The following ATXN7 variants were observed in gnomAD, a reference collection of about 807,000 sequenced individuals.
ATXN7 encodes the protein ataxin-7.
Under a neutral mutation model 70.5 loss-of-function variants are expected in ATXN7, and 12 were observed. That is an observed-to-expected ratio of 0.17 (90% CI 0.11 to 0.28). The LOEUF is 0.28. Among genes scored for constraint, ATXN7 ranks in the 10% least tolerant of loss-of-function variants. The pLI is 1.00. For missense variants in ATXN7, 1,256 were observed against 1,131.7 expected (o/e 1.11, Z -1.58); for synonymous variants, 498 against 448.7 (o/e 1.11, Z -1.39).
At chr3:63,934,362 G>A (rs1334865627) in intron 4 of ATXN7, among the ~76,000 whole-genome samples, 1 of 152,132 alleles carries the variant, frequency 6.6e-6, no homozygotes, top group Non-Finnish European at 1.5e-5. Flanking sequence ...CTGGGTTCTT[G>A]GGGGCAGGGG....
intron 10 of ATXN7, 47 bp downstream of exon 10, chr3:63,990,421 G>T (rs752272088): frequency 6.2e-7 from 1 of 1,606,860 alleles, no homozygotes; most frequent in Non-Finnish European, 8.5e-7. Flanking sequence ...ACACAGCATG[G>T]ACAGGGCACT....
At position 63,982,214 on chromosome 3, in the gene ATXN7, A is replaced by G. The variant is rs1019625286; in HGVS notation, c.781A>G (p.Ile261Val). The change falls in exon 7 of 13, where the codon ATT becomes GTT. Residue 261 changes from isoleucine to valine, a missense_variant. By Grantham distance (29) the Ile-to-Val change is conservative. Transcript: ENST00000674280. The part of the protein sequence containing the change: ...IMTPSVKVEK[I>V]HPKMDGTLLK... ...GACACCCTCTGTGAAAGTGGAAAAG[A>G]TTCATCCGAAAATGGATGGCACACT... 3 of 1,614,004 alleles carry G rather than the reference A, an allele frequency of 1.9e-6. No homozygotes were observed. The African/African-American group carries it at 4.0e-5, about 22-fold the overall frequency.
chr3:63,887,041 A>G (rs367775082), intron 1 of ATXN7, among the ~76,000 whole-genome samples: 1 of 152,202 alleles, frequency 6.6e-6, no homozygotes, highest in Non-Finnish European at 1.5e-5. Context: ...TGAAGTTTCA[A>G]TGGGCACTGG....
chr3:63,934,005 C>CGTAGTT lies in ATXN7; in HGVS notation c.395-18372_395-18367dup, dbSNP rs142837111. ...CCAAAACAGTGGTGATTGGAAATTG[C>CGTAGTT]GTAGTTGGTTGAATCACAAATGTTG... is the stretch of plus-strand genomic sequence containing the variant. On this transcript the variant is annotated intron_variant, in intron 4 of 12. Coordinates refer to ENST00000674280, the MANE Select transcript of ATXN7 (RefSeq NM_001377405.1). 7.8e-3 allele frequency among the ~76,000 whole-genome samples: 1,183 copies of CGTAGTT among 151,864 alleles called. 12 individuals carry two copies. Among genetic ancestry groups the CGTAGTT allele is most frequent in the African/African-American group, 0.028 (1,144 of 41,378 alleles).
At chr3:63,921,512 C>T (rs1014537130) in intron 4 of ATXN7, among the ~76,000 whole-genome samples, 7 of 152,182 alleles carry the variant, frequency 4.6e-5, no homozygotes, top group African/African-American at 1.4e-4. Context: ...CTGTGGTCTT[C>T]GCAGAGAAGA....
intron 1 of ATXN7, among the ~76,000 whole-genome samples, chr3:63,896,240 CTTCT>C (rs199713727): frequency 5.5e-4 from 83 of 151,998 alleles, no homozygotes; most frequent in Non-Finnish European, 7.7e-4. Context: ...CAAGTTAGGT[CTTCT>C]TTCTTTCTCT....
At chr3:63,999,416 T>C (rs982184000) in intron 12 of ATXN7, 34 bp from the exon 13 acceptor site, 9 of 1,558,784 alleles carry the variant, frequency 5.8e-6, no homozygotes, top group South Asian at 2.2e-5. Context: ...TTACTTACCA[T>C]TTCATTATTT....
At chr3:63,918,241 A>G (rs1422874267) in intron 4 of ATXN7, among the ~76,000 whole-genome samples, 1 of 152,238 alleles carries the variant, frequency 6.6e-6, no homozygotes, top group African/African-American at 2.4e-5. Flanking sequence ...CAGTAAACAC[A>G]GACTGAGTCA....
At chr3:63,925,461 ACT>A (rs747981825) in intron 4 of ATXN7, among the ~76,000 whole-genome samples, 2 of 151,890 alleles carry the variant, frequency 1.3e-5, no homozygotes, top group African/African-American at 2.4e-5. Context: ...AGGAGCACAA[ACT>A]CTGTTGTGAA....
chr3:63,912,580 C>A lies in ATXN7; in HGVS notation c.-11-8C>A, dbSNP rs1704073234. The A allele has an allele frequency of 8.9e-7, 1 of 1,121,262 alleles. No homozygotes were observed. Among genetic ancestry groups the A allele is most frequent in the South Asian group, 2.3e-5 (1 of 44,176 alleles). 69.5% of individuals were successfully genotyped at this position (1,121,262 alleles called of 1,614,324 possible). A position where few individuals can be genotyped will look rare whatever the true frequency, so the allele number is the denominator to read the frequency against. Reference sequence around the variant, plus strand: ...GACTCTTTCCCCCTTTTTTTTGTTACATTGTAGGAGCGGAAAGAATGTCGG... The same window carrying A: ...GACTCTTTCCCCCTTTTTTTTGTTAAATTGTAGGAGCGGAAAGAATGTCGG... On this transcript the variant is annotated splice_region_variant and splice_polypyrimidine_tract_variant and intron_variant, in intron 2 of 12. Transcript: ENST00000674280.
intron 1 of ATXN7, among the ~76,000 whole-genome samples, chr3:63,868,993 T>G (rs1215137697): frequency 6.6e-6 from 1 of 152,248 alleles, no homozygotes; most frequent in East Asian, 1.9e-4. Context: ...CATATTTTAC[T>G]TTAAATGCTG....
intron 4 of ATXN7, among the ~76,000 whole-genome samples, chr3:63,932,364 A>G (rs949461062): frequency 3.9e-5 from 6 of 152,194 alleles, no homozygotes; most frequent in East Asian, 1.9e-4. Context: ...TAGTAATACC[A>G]CATAGGCATG....
chr3:63,864,195 G>GA, intron 1 of ATXN7, among the ~76,000 whole-genome samples, 37 bp downstream of exon 1: 1 of 150,116 alleles, frequency 6.7e-6, no homozygotes, highest in Non-Finnish European at 1.5e-5. Flanking sequence ...CTGCGGGGGT[G>GA]CGGCGGGAGC....
intron 4 of ATXN7, among the ~76,000 whole-genome samples, chr3:63,926,173 A>G (rs966102971): frequency 6.6e-6 from 1 of 152,220 alleles, no homozygotes; most frequent in Non-Finnish European, 1.5e-5. Flanking sequence ...CATACAACAC[A>G]TATTTATTGA....
rs1487589632 is a variant in ATXN7 at position 64,002,523 on chromosome 3, G to A, written c.*3056G>A. 6.6e-6 allele frequency: 1 copy of A among 152,078 alleles called. No individual in the cohort carries two copies. The highest frequency in any genetic ancestry group is 1.5e-5 in the Non-Finnish European group (1 of 68,028). The allele number at this position is 152,078 out of a possible 1,614,324, so 9.4% of individuals were successfully genotyped here. A position where few individuals can be genotyped will look rare whatever the true frequency, so the allele number is the denominator to read the frequency against. On this transcript the variant is annotated 3_prime_UTR_variant, in exon 13 of 13. Coordinates refer to ENST00000674280, the MANE Select transcript of ATXN7 (RefSeq NM_001377405.1). ...CGTGTGTGTGTGCCTGTGCGTGTGT[G>A]TGTATACTCAGCACATGTATGTTAC...
intron 5 of ATXN7, among the ~76,000 whole-genome samples, chr3:63,961,577 ATCTT>A (rs1437327700): frequency 6.6e-6 from 1 of 152,074 alleles, no homozygotes; most frequent in Non-Finnish European, 1.5e-5. Flanking sequence ...GGCAATATCT[ATCTT>A]TATATATATA....
chr3:63,916,957 A>G (rs1392972460), intron 4 of ATXN7, among the ~76,000 whole-genome samples: 4 of 152,160 alleles, frequency 2.6e-5, no homozygotes, highest in African/African-American at 4.8e-5. Context: ...TGTGTCGCCC[A>G]GGCTGGAGTG....
intron 4 of ATXN7, among the ~76,000 whole-genome samples, chr3:63,940,299 A>ACG (rs1241682066): frequency 6.6e-6 from 1 of 151,216 alleles, no homozygotes; most frequent in Non-Finnish European, 1.5e-5. Flanking sequence ...ACACACACAC[A>ACG]CACACACACA....
intron 5 of ATXN7, among the ~76,000 whole-genome samples, chr3:63,961,714 A>G (rs1257041500): frequency 1.3e-5 from 2 of 152,120 alleles, no homozygotes; most frequent in East Asian, 3.9e-4. Context: ...TTTTTTTTAA[A>G]AAGGCTTAAT....
Sources: gnomAD v4.1 joint callset for allele counts (sites outside exome capture counted in the v4.1 genomes callset) on GRCh38, gnomAD v4.1.1 for gene constraint, MANE v1.5 for transcripts, NCBI Gene and HGNC (gene_info 2026-07-23, HGNC 2026-07-21) for gene names.